DGKH: variants seen among roughly 807,000 people sequenced by gnomAD.
DGKH encodes diacylglycerol kinase eta.
Under a neutral mutation model 159.3 loss-of-function variants are expected in DGKH, and 90 were observed. That is an observed-to-expected ratio of 0.57 (90% CI 0.48 to 0.67). The LOEUF (loss-of-function observed/expected upper bound fraction) is 0.67, where lower values mean the gene tolerates loss of function less well. Among genes scored for constraint, DGKH ranks in the 30% least tolerant of loss-of-function variants. The probability of loss-of-function intolerance (pLI) is 0.00; values close to 1 mark genes in which losing one functional copy is unlikely to be tolerated. For missense variants in DGKH, 1,181 were observed against 1,506.1 expected, an observed-to-expected ratio of 0.78 and a Z score of 3.57; for synonymous variants, 536 against 553.8, an observed-to-expected ratio of 0.97 and a Z score of 0.45.
chr13:42,158,936 A>G (rs1240093003), intron 5 of DGKH, among the ~76,000 whole-genome samples: 1 of 152,136 alleles, frequency 6.6e-6, no homozygotes. Flanking sequence ...ACCTGCTACC[A>G]AATTTTATTT....
At chr13:42,086,637 A>T (rs1166809596) in intron 1 of DGKH, among the ~76,000 whole-genome samples, 1 of 152,234 alleles carries the variant, frequency 6.6e-6, no homozygotes, top group Admixed American at 6.5e-5. Context: ...GTCTTTGGCA[A>T]GATAGACTAA....
intron 13 of DGKH, among the ~76,000 whole-genome samples, chr13:42,180,206 T>A (rs900294856): frequency 6.6e-6 from 1 of 152,218 alleles, no homozygotes; most frequent in African/African-American, 2.4e-5. Flanking sequence ...CTTAGGTGTA[T>A]GAACTGGGCC....
chr13:42,252,857 T>TCTGC (rs2138340357), intron 30 of DGKH, among the ~76,000 whole-genome samples: 1 of 151,890 alleles, frequency 6.6e-6, no homozygotes, highest in South Asian at 2.1e-4. Context: ...AAGCGATTCT[T>TCTGC]CTGCCTCAGC....
intron 24 of DGKH, among the ~76,000 whole-genome samples, chr13:42,213,402 A>T (rs1389230350): frequency 6.6e-6 from 1 of 152,178 alleles, no homozygotes; most frequent in African/African-American, 2.4e-5. Context: ...TGGGCTTTAG[A>T]ATTTAAATTA....
intron 1 of DGKH, among the ~76,000 whole-genome samples, chr13:42,092,638 C>CA (rs1003863652): frequency 7.3e-5 from 11 of 151,562 alleles, no homozygotes; most frequent in Admixed American, 7.2e-4. Context: ...GTTAATGGTA[C>CA]AAAAAATATA....
At chr13:42,146,841 G>A (rs1955748011) in intron 3 of DGKH, among the ~76,000 whole-genome samples, 1 of 152,138 alleles carries the variant, frequency 6.6e-6, no homozygotes, top group Non-Finnish European at 1.5e-5. Context: ...GGCTTAGGAG[G>A]GATATGTGCT....
chr13:42,156,743 A>G (rs933971624), intron 5 of DGKH, among the ~76,000 whole-genome samples: 1 of 152,246 alleles, frequency 6.6e-6, no homozygotes, highest in Non-Finnish European at 1.5e-5. Flanking sequence ...TAATTAAGTA[A>G]TAAAGTAGTA....
In DGKH at chr13:42,184,311, G is replaced by A. The variant is rs149537572; in HGVS notation, c.1539-2738G>A. 5.4e-4 allele frequency among the ~76,000 whole-genome samples: 82 copies of A among 152,268 alleles called. 3 individuals are homozygous for A. The highest frequency in any genetic ancestry group is 1.9e-3 in the African/African-American group (80 of 41,552). On this transcript the variant is annotated intron_variant, in intron 13 of 29. Coordinates refer to ENST00000337343, the MANE Select transcript of DGKH (RefSeq NM_178009.5). The stretch of plus-strand genomic sequence containing the variant: ...CCATTGCCATATTTATCTTAGTGTA[G>A]TATGTGCATATTTTACTGTCATTTG...
At chr13:42,082,228 T>C (rs375291325) in intron 1 of DGKH, among the ~76,000 whole-genome samples, 1 of 152,096 alleles carries the variant, frequency 6.6e-6, no homozygotes, top group Non-Finnish European at 1.5e-5. Context: ...CCCACACTTG[T>C]CTACCTTGCT....
chr13:42,253,510 A>G (rs1007749287), intron 30 of DGKH, among the ~76,000 whole-genome samples: 2 of 152,224 alleles, frequency 1.3e-5, no homozygotes, highest in Admixed American at 6.5e-5. Flanking sequence ...TAAACTAGCT[A>G]GTCTATGGTA....
Position 42,048,647 on chromosome 13 carries a change from AG to A in DGKH, c.-124del. On this transcript the variant is annotated 5_prime_UTR_variant, in exon 1 of 30. Transcript: ENST00000337343. The surrounding 1 kb of genome is among the most constrained non-coding windows in gnomAD (Gnocchi z 6.7). Reference sequence around the variant, plus strand: ...CGACCCTTACCTCGCGGGGGTAGCTAGGGAAACGGAAGATGGCGGCGGCGGC... The same window carrying A: ...CGACCCTTACCTCGCGGGGGTAGCTAGGAAACGGAAGATGGCGGCGGCGGC... 8.8e-7 allele frequency: 1 copy of A among 1,136,164 alleles called. No individual in the cohort carries two copies. The highest frequency in any genetic ancestry group is 1.1e-6 in the Non-Finnish European group (1 of 908,740). 70.4% of individuals were successfully genotyped at this position (1,136,164 alleles called of 1,614,324 possible). A position where few individuals can be genotyped will look rare whatever the true frequency, so the allele number is the denominator to read the frequency against.
rs748836862 is a variant in DGKH at position 42,210,718 on chromosome 13, G to A, written c.2967G>A (p.Val989=). Residue 989 remains valine, a synonymous_variant, in exon 24 of 30, where the codon GTG becomes GTA. Coordinates refer to ENST00000337343, the MANE Select transcript of DGKH (RefSeq NM_178009.5). ...HHAIDLATEE[V]SQMQLCSQAA... The stretch of plus-strand genomic sequence containing the variant: ...CCATTGACTTGGCAACAGAAGAGGT[G>A]TCGCAGATGCAGCTATGCTCCCAGG... The A allele has an allele frequency of 2.5e-6, 4 of 1,612,452 alleles. No homozygotes were observed. Among genetic ancestry groups the A allele is most frequent in the Non-Finnish European group, 3.4e-6 (4 of 1,179,958 alleles).
At chr13:42,218,371 A>C (rs1267842033) in intron 26 of DGKH, among the ~76,000 whole-genome samples, 1 of 152,124 alleles carries the variant, frequency 6.6e-6, no homozygotes, top group African/African-American at 2.4e-5. Context: ...TTTTCATCAC[A>C]GATTTTTCTA....
intron 29 of DGKH, among the ~76,000 whole-genome samples, chr13:42,228,471 G>A (rs917417448): frequency 3.9e-5 from 6 of 152,084 alleles, no homozygotes; most frequent in African/African-American, 1.2e-4. Context: ...GCAGATACTG[G>A]TATCTTTCTC....
chr13:42,146,067 C>T (rs1032869761), intron 3 of DGKH, among the ~76,000 whole-genome samples: 2 of 151,160 alleles, frequency 1.3e-5, no homozygotes, highest in Non-Finnish European at 2.9e-5. Context: ...TTGTTAGAAC[C>T]ATAATGTGAG....
chr13:42,221,822 G>A (rs1957981349), intron 29 of DGKH, among the ~76,000 whole-genome samples: 1 of 152,212 alleles, frequency 6.6e-6, no homozygotes, highest in Admixed American at 6.5e-5. Flanking sequence ...CATATGGAAT[G>A]AGAAGAGAGA....
chr13:42,189,505 T>G (rs1957013335), intron 15 of DGKH, among the ~76,000 whole-genome samples, 196 bp downstream of exon 15: 2 of 152,088 alleles, frequency 1.3e-5, no homozygotes, highest in South Asian at 4.1e-4. Context: ...AATCAGCATA[T>G]TAGTGAGGAA....
At position 42,155,879 on chromosome 13, in the gene DGKH, A is replaced by G. The variant is rs563703003; in HGVS notation, c.622+80A>G. 13 of 1,549,792 alleles carry G rather than the reference A, an allele frequency of 8.4e-6. No homozygotes were observed. The Admixed American group carries it at 2.3e-4, about 27-fold the overall frequency. On this transcript the variant is annotated intron_variant, in intron 5 of 29. Coordinates refer to ENST00000337343, the MANE Select transcript of DGKH (RefSeq NM_178009.5). Reference sequence around the variant, plus strand: ...GCTGCCACTGGTTTTATTGTAGCTTAAAATTGAGCTCTCCACACATAGGAC... The same window carrying G: ...GCTGCCACTGGTTTTATTGTAGCTTGAAATTGAGCTCTCCACACATAGGAC...
intron 20 of DGKH, among the ~76,000 whole-genome samples, chr13:42,201,638 C>G (rs1464216160): frequency 6.6e-6 from 1 of 152,018 alleles, no homozygotes; most frequent in Non-Finnish European, 1.5e-5. Context: ...GTTGTAGGCA[C>G]CTTTGGCATT....
Sources: allele counts gnomAD v4.1 joint callset (sites outside exome capture counted in the v4.1 genomes callset), GRCh38; gene constraint gnomAD v4.1.1; non-coding constraint Gnocchi (gnomAD v3.1); transcripts MANE v1.5; gene names NCBI Gene and HGNC (gene_info 2026-07-23, HGNC 2026-07-21).